TNFAIP8L1: variants seen among roughly 807,000 people sequenced by gnomAD.
TNFAIP8L1 encodes the protein tumor necrosis factor alpha-induced protein 8-like protein 1.
For missense variants in TNFAIP8L1, 225 were observed against 266.1 expected, an observed-to-expected ratio of 0.85 and a Z score of 1.08; for synonymous variants, 127 against 125.6, an observed-to-expected ratio of 1.01 and a Z score of -0.08.
intron 1 of TNFAIP8L1, chr19:4,642,115 G>C (rs1342821392): frequency 6.6e-6 from 1 of 152,162 alleles, no homozygotes; most frequent in Non-Finnish European, 1.5e-5. Context: ...GGAGGTTGAG[G>C]CTGCAGTGAG....
At position 4,653,274 on chromosome 19, in the gene TNFAIP8L1, A is replaced by C. The variant is rs2088389263; in HGVS notation, c.*844A>C. The C allele has an allele frequency of 6.0e-6, 1 of 167,182 alleles. No homozygotes were observed. Among genetic ancestry groups the C allele is most frequent in the Admixed American group, 6.6e-5 (1 of 15,262 alleles). The allele number at this position is 167,182 out of a possible 1,614,324, so 10.4% of individuals were successfully genotyped here. ...AGCCGAGATTGTGCCACTGCACTCC[A>C]GCCTGGGTGACAGAGCAAGACTCTG... is the stretch of plus-strand genomic sequence containing the variant. On this transcript the variant is annotated 3_prime_UTR_variant, in exon 2 of 2. Coordinates refer to ENST00000327473, the MANE Select transcript of TNFAIP8L1 (RefSeq NM_152362.3).
At chr19:4,646,887 C>G (rs1599825947) in intron 1 of TNFAIP8L1, among the ~76,000 whole-genome samples, 1 of 152,250 alleles carries the variant, frequency 6.6e-6, no homozygotes, top group Non-Finnish European at 1.5e-5. Context: ...GCCTCGGCCT[C>G]CCAAAGTGCT....
Position 4,645,829 on chromosome 19 carries a change from T to A in TNFAIP8L1, c.-3-6038T>A, listed in dbSNP as rs1215268867. 6.6e-6 allele frequency among the ~76,000 whole-genome samples: 1 copy of A among 151,130 alleles called. No individual in the cohort carries two copies. Among genetic ancestry groups the A allele is most frequent in the African/African-American group, 2.4e-5 (1 of 41,050 alleles). ...CCCCATGCATGGGGCCTGCCAAGGG[T>A]CACAGCAGGGAGACCTCAGAGCTGT... On this transcript the variant is annotated intron_variant, in intron 1 of 1. Coordinates refer to ENST00000327473, the MANE Select transcript of TNFAIP8L1 (RefSeq NM_152362.3). This position sits in a 1 kb window ranked among gnomAD's most constrained non-coding sequence, Gnocchi z 4.1.
At chr19:4,648,379 C>T (rs2088331228) in intron 1 of TNFAIP8L1, among the ~76,000 whole-genome samples, 3 of 152,164 alleles carry the variant, frequency 2.0e-5, no homozygotes, top group Non-Finnish European at 2.9e-5. Flanking sequence ...TGGTCCTCGG[C>T]CTGTTCCCCT....
At chr19:4,644,377 C>CAA (rs527729094) in intron 1 of TNFAIP8L1, among the ~76,000 whole-genome samples, 2 of 121,864 alleles carry the variant, frequency 1.6e-5, no homozygotes, top group Non-Finnish European at 1.8e-5. Flanking sequence ...CCATGTCTAC[C>CAA]AAAAAAAAAA....
intron 1 of TNFAIP8L1, among the ~76,000 whole-genome samples, chr19:4,648,029 C>T (rs984939976): frequency 2.6e-5 from 4 of 152,292 alleles, no homozygotes; most frequent in South Asian, 4.1e-4. Flanking sequence ...TCCCCAGTGC[C>T]TCTGTGGTCT....
At chr19:4,642,778 C>T (rs937311128) in intron 1 of TNFAIP8L1, among the ~76,000 whole-genome samples, 20 of 151,622 alleles carry the variant, frequency 1.3e-4, no homozygotes, top group Non-Finnish European at 2.1e-4. Context: ...GGGCAGGGTG[C>T]GCAGGATCTT....
In TNFAIP8L1 at chr19:4,645,654, C is replaced by T. The variant is rs1221955679; in HGVS notation, c.-4+6025C>T. ...AGTACATTTAAGCCAGGGGTGGTAG[C>T]TCACACCTGTAGTCCCAGCACTTTG... On this transcript the variant is annotated intron_variant, in intron 1 of 1. Transcript: ENST00000327473. This position sits in a 1 kb window ranked among gnomAD's most constrained non-coding sequence, Gnocchi z 4.1. Among the ~76,000 whole-genome samples, 1 of 151,034 alleles carries T rather than the reference C, an allele frequency of 6.6e-6. No individual in the cohort carries two copies. Among genetic ancestry groups the T allele is most frequent in the East Asian group, 1.9e-4 (1 of 5,136 alleles).
intron 1 of TNFAIP8L1, 137 bp from the exon 2 acceptor site, chr19:4,651,730 G>A (rs981922451): frequency 2.0e-6 from 2 of 982,592 alleles, no homozygotes; most frequent in Non-Finnish European, 2.9e-6. Flanking sequence ...TTACAGGCGT[G>A]AGCCACTGCG....
At chr19:4,651,691 G>A (rs1271784871) in intron 1 of TNFAIP8L1, among the ~76,000 whole-genome samples, 176 bp from the exon 2 acceptor site, 1 of 152,190 alleles carries the variant, frequency 6.6e-6, no homozygotes, top group African/African-American at 2.4e-5. Flanking sequence ...CAGGCGATCC[G>A]CCTGCCTAGG....
At chr19:4,644,998 G>GC (rs540001884) in intron 1 of TNFAIP8L1, among the ~76,000 whole-genome samples, 21 of 152,224 alleles carry the variant, frequency 1.4e-4, no homozygotes, top group Admixed American at 7.2e-4. Context: ...GAGGCCTGAG[G>GC]CCCCCCCTGG....
chr19:4,651,970 C>T lies in TNFAIP8L1; in HGVS notation c.101C>T (p.Thr34Ile). Residue 34 changes from threonine (T) to isoleucine (I), a missense_variant, in exon 2 of 2, where the codon ACC (threonine) becomes ATC (isoleucine). Coordinates refer to ENST00000327473, the MANE Select transcript of TNFAIP8L1 (RefSeq NM_152362.3). ...KAVVAVLVDD[T>I]SSEVLDELYR... ...GTGGTGGCCGTGCTGGTGGATGACACCAGCAGTGAGGTGCTGGATGAGCTG... is the reference window on the plus strand; with the variant it reads ...GTGGTGGCCGTGCTGGTGGATGACATCAGCAGTGAGGTGCTGGATGAGCTG... The T allele has an allele frequency of 6.2e-7, 1 of 1,614,128 alleles. No homozygotes were observed. The highest frequency in any genetic ancestry group is 8.5e-7 in the Non-Finnish European group (1 of 1,180,006).
chr19:4,646,271 C>T (rs930467918), intron 1 of TNFAIP8L1, among the ~76,000 whole-genome samples: 28 of 150,716 alleles, frequency 1.9e-4, no homozygotes, highest in African/African-American at 6.1e-4. Context: ...TACAGGTGCT[C>T]GCCACCACGC....
chr19:4,655,041 G>A lies in TNFAIP8L1; in HGVS notation c.*2611G>A, dbSNP rs1363168361. 2 of 152,180 alleles carry A rather than the reference G, an allele frequency of 1.3e-5. No individual in the cohort carries two copies. The highest frequency in any genetic ancestry group is 2.9e-5 in the Non-Finnish European group (2 of 68,062). The allele number at this position is 152,180 out of a possible 1,614,324, so 9.4% of individuals were successfully genotyped here. On this transcript the variant is annotated 3_prime_UTR_variant, in exon 2 of 2. Transcript: ENST00000327473. ...AATTTGTCTGCATTTAAAACCAAGA[G>A]ATCACACACACCTGTCTGGATTTGG...
At chr19:4,647,703 C>G (rs372318614) in intron 1 of TNFAIP8L1, among the ~76,000 whole-genome samples, 30 of 148,880 alleles carry the variant, frequency 2.0e-4, no homozygotes, top group African/African-American at 6.8e-4. Context: ...CTCACTGCAG[C>G]CTTGACCTCG....
At chr19:4,650,794 G>A (rs954247170) in intron 1 of TNFAIP8L1, among the ~76,000 whole-genome samples, 2 of 152,116 alleles carry the variant, frequency 1.3e-5, no homozygotes, top group African/African-American at 2.4e-5. Context: ...TGGCTCACTC[G>A]GGGCTGAAGG....
intron 1 of TNFAIP8L1, among the ~76,000 whole-genome samples, chr19:4,650,877 C>T (rs894916075): frequency 5.9e-5 from 9 of 151,998 alleles, no homozygotes; most frequent in Non-Finnish European, 1.0e-4. Flanking sequence ...CCAGCTACTC[C>T]GGAGGCTGAG....
intron 1 of TNFAIP8L1, among the ~76,000 whole-genome samples, chr19:4,647,589 G>T (rs1599826474): frequency 6.7e-6 from 1 of 148,358 alleles, no homozygotes; most frequent in South Asian, 2.1e-4. Context: ...GGGATTACAG[G>T]TGTGAGTCAG....
rs2088379458 is a variant in TNFAIP8L1 at position 4,652,475 on chromosome 19, T to G, written c.*45T>G. 1 of 1,456,322 alleles carries G rather than the reference T, an allele frequency of 6.9e-7. No homozygotes were observed. The highest frequency in any genetic ancestry group is 1.4e-5 in the African/African-American group (1 of 69,552). The allele number at this position is 1,456,322 out of a possible 1,614,324, so 90.2% of individuals were successfully genotyped here. On this transcript the variant is annotated 3_prime_UTR_variant, in exon 2 of 2. Coordinates refer to ENST00000327473, the MANE Select transcript of TNFAIP8L1 (RefSeq NM_152362.3). ...GCGCCCCTCGCGCCTTTTGGGGCTCTCCTGCTGGGCGCGGGTGGGGTTTGT... is the reference window on the plus strand; with the variant it reads ...GCGCCCCTCGCGCCTTTTGGGGCTCGCCTGCTGGGCGCGGGTGGGGTTTGT...
Sources: allele counts gnomAD v4.1 joint callset (sites outside exome capture counted in the v4.1 genomes callset), GRCh38; gene constraint gnomAD v4.1.1; non-coding constraint Gnocchi (gnomAD v3.1); transcripts MANE v1.5; gene names NCBI Gene and HGNC (gene_info 2026-07-23, HGNC 2026-07-21).